SLC43A1: variants seen among roughly 807,000 people sequenced by gnomAD.
SLC43A1 encodes solute carrier family 43 member 1.
In SLC43A1, 31 loss-of-function variants were observed where a neutral mutation model predicts 59.5. The ratio of observed to expected loss-of-function variants is 0.52; its 90% confidence interval spans 0.39 to 0.70. SLC43A1 has a LOEUF of 0.70. Ranked by LOEUF, SLC43A1 falls within the 30% of genes least tolerant of loss-of-function variation. The pLI is 0.00. For synonymous variants in SLC43A1, 259 were observed against 290.9 expected (o/e 0.89, Z 1.12); for missense variants, 598 against 717.8 (o/e 0.83, Z 1.91).
chr11:57,509,900 GA>G (rs1163396389), intron 2 of SLC43A1, among the ~76,000 whole-genome samples: 1 of 152,088 alleles, frequency 6.6e-6, no homozygotes. Context: ...AAAAGAAAGT[GA>G]AAGACAACCC....
At chr11:57,495,168 A>C (rs1042765754) in intron 7 of SLC43A1, among the ~76,000 whole-genome samples, 2 of 151,900 alleles carry the variant, frequency 1.3e-5, no homozygotes, top group Non-Finnish European at 1.5e-5. Context: ...AATGGCAAAA[A>C]CCACAATTAC....
At chr11:57,504,435 G>A (rs1944344983) in intron 2 of SLC43A1, among the ~76,000 whole-genome samples, 1 of 152,172 alleles carries the variant, frequency 6.6e-6, no homozygotes. Context: ...CTGCTCCTAA[G>A]TCTTTGATAA....
chr11:57,506,096 G>A (rs567155840), intron 2 of SLC43A1, among the ~76,000 whole-genome samples: 4 of 152,098 alleles, frequency 2.6e-5, no homozygotes, highest in African/African-American at 4.8e-5. Flanking sequence ...CTGTAATCCC[G>A]GCACTTTGGG....
intron 2 of SLC43A1, among the ~76,000 whole-genome samples, chr11:57,509,813 C>T (rs1944490040): frequency 6.6e-6 from 1 of 151,864 alleles, no homozygotes. Context: ...AAACATGACA[C>T]CAAGATACAA....
At chr11:57,489,479 G>A (rs1459112976) in intron 11 of SLC43A1, 87 bp from the exon 12 acceptor site, 1 of 1,487,354 alleles carries the variant, frequency 6.7e-7, no homozygotes, top group Non-Finnish European at 9.2e-7. Flanking sequence ...CTTCAGATGT[G>A]CCTTCGATGT....
chr11:57,494,130 A>C lies in SLC43A1; in HGVS notation c.734T>G (p.Val245Gly). ...KLSGLALDHK[V>G]TGDLFYTHVT... ...ATGGGTGTAGAAGAGGTCACCTGTC[A>C]CCTTGTGGTCCAGGGCCAGCCCACT... The change falls in exon 8 of 15, where the codon GTG (valine) becomes GGG (glycine). Residue 245 changes from valine (V) to glycine (G), a missense_variant. By Grantham distance (109) the Val-to-Gly change is moderately radical. Transcript: ENST00000278426. The C allele has an allele frequency of 6.2e-7, 1 of 1,610,550 alleles. No homozygotes were observed.
At chr11:57,511,074 AC>A (rs1234349567) in intron 2 of SLC43A1, among the ~76,000 whole-genome samples, 1 of 152,142 alleles carries the variant, frequency 6.6e-6, no homozygotes, top group Non-Finnish European at 1.5e-5. Flanking sequence ...AAACATAGTT[AC>A]CCTTGCAACT....
At chr11:57,490,448 G>A (rs554925872) in intron 11 of SLC43A1, among the ~76,000 whole-genome samples, 3 of 152,152 alleles carry the variant, frequency 2.0e-5, no homozygotes, top group East Asian at 1.9e-4. Context: ...ATAATAGAAC[G>A]TAACAGAAGT....
At chr11:57,490,962 G>T (rs375855570) in intron 11 of SLC43A1, among the ~76,000 whole-genome samples, 2 of 152,142 alleles carry the variant, frequency 1.3e-5, no homozygotes, top group Admixed American at 1.3e-4. Context: ...AGATATTAAC[G>T]CATCTACCTC....
chr11:57,488,392 G>A (rs1943804224), intron 13 of SLC43A1, among the ~76,000 whole-genome samples: 1 of 152,200 alleles, frequency 6.6e-6, no homozygotes, highest in East Asian at 1.9e-4. Flanking sequence ...CCGCTGCAGT[G>A]AGGCTGAACT....
At position 57,514,199 on chromosome 11, in the gene SLC43A1, C is replaced by A. The variant is rs1944623768; in HGVS notation, c.-13-75G>T. The A allele has an allele frequency of 1.0e-5, 15 of 1,452,744 alleles. 1 individual carries two copies. In the South Asian group the frequency reaches 2.1e-4, roughly 21 times the overall value. The allele number at this position is 1,452,744 out of a possible 1,614,324, so 90.0% of individuals were successfully genotyped here. A position where few individuals can be genotyped will look rare whatever the true frequency, so the allele number is the denominator to read the frequency against. ...AAGGGTCCTGCATCATGGTGGCACCCGAGACCTCTCGGGCCAGCCCGCGAG... is the reference window on the plus strand; with the variant it reads ...AAGGGTCCTGCATCATGGTGGCACCAGAGACCTCTCGGGCCAGCCCGCGAG... On this transcript the variant is annotated intron_variant, in intron 1 of 14. Coordinates refer to ENST00000278426, the MANE Select transcript of SLC43A1 (RefSeq NM_003627.6). The surrounding 1 kb of genome is among the most constrained non-coding windows in gnomAD (Gnocchi z 5.5).
chr11:57,507,296 C>T (rs1386991824), intron 2 of SLC43A1, among the ~76,000 whole-genome samples: 1 of 152,096 alleles, frequency 6.6e-6, no homozygotes, highest in African/African-American at 2.4e-5. Context: ...GGTGAAACCC[C>T]GTCTTTACCA....
At chr11:57,510,418 A>AT (rs1944507935) in intron 2 of SLC43A1, among the ~76,000 whole-genome samples, 1 of 133,996 alleles carries the variant, frequency 7.5e-6, no homozygotes, top group Non-Finnish European at 1.5e-5. Flanking sequence ...AGATCATGCC[A>AT]TTGCATTCCA....
chr11:57,509,975 T>G (rs1206823766), intron 2 of SLC43A1, among the ~76,000 whole-genome samples: 1 of 152,142 alleles, frequency 6.6e-6, no homozygotes, highest in East Asian at 1.9e-4. Flanking sequence ...CATAAAGAAC[T>G]CTTACATCTC....
At chr11:57,488,616 C>T (rs1943810614) in intron 13 of SLC43A1, among the ~76,000 whole-genome samples, 1 of 152,150 alleles carries the variant, frequency 6.6e-6, no homozygotes. Flanking sequence ...AATGGCTGCC[C>T]TTGGGAAATT....
intron 14 of SLC43A1, among the ~76,000 whole-genome samples, chr11:57,485,883 T>C (rs1943714363): frequency 6.6e-6 from 1 of 152,222 alleles, no homozygotes; most frequent in Admixed American, 6.5e-5. Context: ...GAAGCAGTTA[T>C]TTCATCACAA....
At chr11:57,507,714 A>C (rs1944423992) in intron 2 of SLC43A1, among the ~76,000 whole-genome samples, 1 of 152,216 alleles carries the variant, frequency 6.6e-6, no homozygotes, top group South Asian at 2.1e-4. Context: ...TTGTTAAATG[A>C]CATCATTTGA....
rs375746334 is a variant in SLC43A1, at chr11:57,485,062, T to C, written c.*34A>G. 18 of 1,589,072 alleles carry C rather than the reference T, an allele frequency of 1.1e-5. No homozygotes were observed. The African/African-American group carries it at 1.4e-4, about 12-fold the overall frequency. Reference sequence around the variant, plus strand: ...CTCCTTTTGGTTGCTCAGGCCTTGATTGCCTGTCATCCAGGTCCCTTGGTC... The same window carrying C: ...CTCCTTTTGGTTGCTCAGGCCTTGACTGCCTGTCATCCAGGTCCCTTGGTC... On this transcript the variant is annotated 3_prime_UTR_variant, in exon 15 of 15. Transcript: ENST00000278426.
At chr11:57,512,527 GA>G (rs1447720086) in intron 2 of SLC43A1, among the ~76,000 whole-genome samples, 2 of 150,744 alleles carry the variant, frequency 1.3e-5, no homozygotes, top group Non-Finnish European at 2.9e-5. Flanking sequence ...CTGGGTGACA[GA>G]GTGAGACTCT....
Sources: allele counts gnomAD v4.1 joint callset (sites outside exome capture counted in the v4.1 genomes callset), GRCh38; gene constraint gnomAD v4.1.1; non-coding constraint Gnocchi (gnomAD v3.1); transcripts MANE v1.5; gene names NCBI Gene and HGNC (gene_info 2026-07-23, HGNC 2026-07-21).